The following SPOCK3 variants were observed in gnomAD, a reference collection of about 807,000 sequenced individuals.
The protein encoded by SPOCK3 is SPARC (osteonectin), cwcv and kazal like domains proteoglycan 3, also known as testican-3.
In SPOCK3, 30 loss-of-function variants were observed where a neutral mutation model predicts 56.6. That is an observed-to-expected ratio of 0.53 (90% CI 0.40 to 0.72). The LOEUF is 0.72. Among genes scored for constraint, SPOCK3 ranks in the 30% least tolerant of loss-of-function variants. The pLI, the probability that SPOCK3 is intolerant of heterozygous loss-of-function variation, is 0.00. For synonymous variants in SPOCK3, 196 were observed against 183.3 expected (o/e 1.07, Z -0.56); for missense variants, 527 against 530.0 (o/e 0.99, Z 0.06).
intron 4 of SPOCK3, among the ~76,000 whole-genome samples, chr4:166,995,308 A>C (rs1246452685): frequency 1.3e-5 from 2 of 152,010 alleles, no homozygotes; most frequent in East Asian, 3.9e-4. Context: ...TATGAAGTTT[A>C]GTTATGATCT....
chr4:166,985,988 T>C (rs1747114321), intron 4 of SPOCK3, among the ~76,000 whole-genome samples: 1 of 152,166 alleles, frequency 6.6e-6, no homozygotes, highest in Admixed American at 6.5e-5. Context: ...TCAAAATATA[T>C]AAAATTCTGA....
At chr4:166,961,381 T>C (rs1160065295) in intron 4 of SPOCK3, among the ~76,000 whole-genome samples, 6 of 152,058 alleles carry the variant, frequency 3.9e-5, no homozygotes, top group Admixed American at 3.9e-4. Flanking sequence ...AATTTGAGGA[T>C]TGAAGTATTA....
chr4:166,823,275 C>A (rs1745117357), intron 6 of SPOCK3, among the ~76,000 whole-genome samples: 1 of 151,860 alleles, frequency 6.6e-6, no homozygotes, highest in Admixed American at 6.6e-5. Context: ...TACTATTTTC[C>A]TTTATCTTCT....
intron 3 of SPOCK3, among the ~76,000 whole-genome samples, chr4:167,060,738 A>G (rs1755515853): frequency 6.6e-6 from 1 of 152,118 alleles, no homozygotes; most frequent in Non-Finnish European, 1.5e-5. Context: ...GTGTTATCAT[A>G]TGAGTGGTAA....
chr4:167,172,079 T>G (rs1730551989), intron 2 of SPOCK3, among the ~76,000 whole-genome samples: 1 of 151,882 alleles, frequency 6.6e-6, no homozygotes, highest in African/African-American at 2.4e-5. Context: ...TTCTGGCGAG[T>G]CTCTAGGCAG....
intron 6 of SPOCK3, among the ~76,000 whole-genome samples, chr4:166,826,763 T>C (rs1381933922): frequency 6.6e-6 from 1 of 152,130 alleles, no homozygotes; most frequent in East Asian, 1.9e-4. Context: ...GTGGCATTCC[T>C]TTCTTGTTCT....
intron 4 of SPOCK3, among the ~76,000 whole-genome samples, chr4:166,945,025 G>A (rs1741551530): frequency 6.6e-6 from 1 of 152,142 alleles, no homozygotes; most frequent in Non-Finnish European, 1.5e-5. Context: ...CCTTCACGCT[G>A]ACTTCTGTGT....
intron 2 of SPOCK3, among the ~76,000 whole-genome samples, chr4:167,185,363 A>C (rs1490844399): frequency 6.6e-6 from 1 of 152,050 alleles, no homozygotes; most frequent in East Asian, 1.9e-4. Flanking sequence ...TCTTATCCTG[A>C]CCTCCAATGT....
intron 2 of SPOCK3, among the ~76,000 whole-genome samples, chr4:167,113,822 A>G (rs1438757268): frequency 6.6e-6 from 1 of 151,950 alleles, no homozygotes; most frequent in Non-Finnish European, 1.5e-5. Context: ...CCATGAAGAG[A>G]GGGAATGAAT....
At chr4:166,791,628 A>T (rs36096256) in intron 7 of SPOCK3, among the ~76,000 whole-genome samples, 25 of 152,196 alleles carry the variant, frequency 1.6e-4, no homozygotes, top group Non-Finnish European at 2.6e-4. Flanking sequence ...CCAAGGAATT[A>T]AAAAAACTTT....
intron 4 of SPOCK3, among the ~76,000 whole-genome samples, chr4:166,979,748 A>T (rs1010775746): frequency 6.6e-6 from 1 of 152,076 alleles, no homozygotes; most frequent in Admixed American, 6.5e-5. Context: ...TTTTGTCTTC[A>T]ATCTCTCCTT....
At chr4:167,134,022 C>CTTTTTTTTTT (rs34410893) in intron 2 of SPOCK3, among the ~76,000 whole-genome samples, 8 of 80,560 alleles carry the variant, frequency 9.9e-5, no homozygotes, top group African/African-American at 1.5e-4. Flanking sequence ...ACACCTTTTT[C>CTTTTTTTTTT]TTTTTTTTTT....
chr4:167,058,197 A>T (rs1260871341), intron 3 of SPOCK3, among the ~76,000 whole-genome samples: 10 of 151,344 alleles, frequency 6.6e-5, no homozygotes, highest in Admixed American at 1.3e-4. Flanking sequence ...TTAGGAAAAG[A>T]GGAAGTCAAA....
chr4:166,920,133 C>T (rs17052671), intron 4 of SPOCK3, among the ~76,000 whole-genome samples: 44,325 of 151,978 alleles, frequency 0.29, 6,859 homozygotes, highest in Non-Finnish European at 0.34. Flanking sequence ...ATCCTTTCCA[C>T]TGGGCCATTT....
At chr4:166,885,109 T>C (rs1478623823) in intron 6 of SPOCK3, among the ~76,000 whole-genome samples, 1 of 151,958 alleles carries the variant, frequency 6.6e-6, no homozygotes, top group Non-Finnish European at 1.5e-5. Flanking sequence ...CCCAGATTAC[T>C]AAATTCAGAA....
At chr4:166,771,048 A>T (rs1738872502) in intron 7 of SPOCK3, among the ~76,000 whole-genome samples, 1 of 148,952 alleles carries the variant, frequency 6.7e-6, no homozygotes, top group Non-Finnish European at 1.5e-5. Flanking sequence ...ATGATAGATT[A>T]TATAAATATA....
intron 4 of SPOCK3, among the ~76,000 whole-genome samples, chr4:166,940,338 T>C (rs1036424816): frequency 6.6e-6 from 1 of 152,076 alleles, no homozygotes; most frequent in Non-Finnish European, 1.5e-5. Context: ...CACTACAGCC[T>C]CCCTACCGAA....
At chr4:166,953,963 T>C (rs537294019) in intron 4 of SPOCK3, among the ~76,000 whole-genome samples, 86 of 152,194 alleles carry the variant, frequency 5.7e-4, no homozygotes, top group African/African-American at 2.0e-3. Flanking sequence ...AGGGATAGCA[T>C]TGGGAGATAT....
At chr4:166,930,357 T>G (rs934054344) in intron 4 of SPOCK3, among the ~76,000 whole-genome samples, 38 of 152,156 alleles carry the variant, frequency 2.5e-4, no homozygotes, top group Admixed American at 2.2e-3. Flanking sequence ...TTGTGCTATA[T>G]GTGTGTAGGT....
Sources: gnomAD v4.1 joint callset for allele counts (sites outside exome capture counted in the v4.1 genomes callset) on GRCh38, gnomAD v4.1.1 for gene constraint, MANE v1.5 for transcripts, NCBI Gene and HGNC (gene_info 2026-07-23, HGNC 2026-07-21) for gene names.